SGCZ: variants seen among roughly 807,000 people sequenced by gnomAD.
SGCZ encodes sarcoglycan zeta, also known as zeta-sarcoglycan.
A neutral mutation model predicts 41.3 loss-of-function variants in SGCZ; 40 were observed. The ratio of observed to expected loss-of-function variants is 0.97; its 90% CI spans 0.75 to 1.26. The LOEUF (loss-of-function observed/expected upper bound fraction) is 1.26. Ranked by LOEUF, SGCZ falls within the 50% of genes most tolerant of loss-of-function variation. The probability of loss-of-function intolerance (pLI) is 0.00; values close to 1 mark genes in which losing one functional copy is unlikely to be tolerated. For synonymous variants in SGCZ, 206 were observed against 137.5 expected (o/e 1.50, Z -3.49); for missense variants, 552 against 369.8 (o/e 1.49, Z -4.04).
At chr8:14,901,104 C>T (rs958896585) in intron 1 of SGCZ, among the ~76,000 whole-genome samples, 2 of 152,170 alleles carry the variant, frequency 1.3e-5, no homozygotes, top group African/African-American at 4.8e-5. Context: ...TATTCTGAAA[C>T]TTGGCACATT....
intron 3 of SGCZ, among the ~76,000 whole-genome samples, chr8:14,312,120 T>C (rs1487790000): frequency 6.6e-6 from 1 of 152,148 alleles, no homozygotes; most frequent in African/African-American, 2.4e-5. Context: ...ATTTAGTTGG[T>C]TGCAACAATT....
chr8:14,438,596 G>GA (rs1350704007), intron 2 of SGCZ, among the ~76,000 whole-genome samples: 2 of 151,906 alleles, frequency 1.3e-5, no homozygotes, highest in Non-Finnish European at 2.9e-5. Flanking sequence ...AATTAGGAAA[G>GA]AAAAATTGAT....
intron 1 of SGCZ, among the ~76,000 whole-genome samples, chr8:14,681,832 A>C (rs1007945733): frequency 2.6e-5 from 4 of 152,138 alleles, no homozygotes; most frequent in Non-Finnish European, 5.9e-5. Context: ...ATGGGCTTTT[A>C]GATGACACAA....
intron 1 of SGCZ, among the ~76,000 whole-genome samples, chr8:14,626,698 G>T (rs1375633523): frequency 6.6e-6 from 1 of 151,934 alleles, no homozygotes; most frequent in Non-Finnish European, 1.5e-5. Flanking sequence ...GCTACCACAA[G>T]CCAAAAAATC....
At chr8:15,137,181 G>C (rs1206849656) in intron 1 of SGCZ, among the ~76,000 whole-genome samples, 1 of 151,846 alleles carries the variant, frequency 6.6e-6, no homozygotes, top group African/African-American at 2.4e-5. Context: ...TTTTAGCAAA[G>C]AGACTGGTGG....
chr8:14,878,916 G>A (rs1386165081), intron 1 of SGCZ: 3 of 152,196 alleles, frequency 2.0e-5, no homozygotes, highest in Non-Finnish European at 4.4e-5. Flanking sequence ...CAGTTTTGTT[G>A]TTGTTGTTGT....
At chr8:14,242,574 A>G (rs867780651) in intron 3 of SGCZ, among the ~76,000 whole-genome samples, 2 of 152,304 alleles carry the variant, frequency 1.3e-5, no homozygotes, top group Middle Eastern at 6.8e-3. Context: ...CAACATATGC[A>G]AAATGCACAG....
intron 5 of SGCZ, among the ~76,000 whole-genome samples, chr8:14,115,110 C>G (rs1173358598): frequency 6.6e-6 from 1 of 151,952 alleles, no homozygotes; most frequent in Non-Finnish European, 1.5e-5. Context: ...TCCAATAACT[C>G]TTGAGATATA....
chr8:14,806,999 G>C (rs1464026909), intron 1 of SGCZ, among the ~76,000 whole-genome samples: 1 of 152,052 alleles, frequency 6.6e-6, no homozygotes, highest in Non-Finnish European at 1.5e-5. Flanking sequence ...TATCTCAATA[G>C]ATGCAGAAAA....
chr8:14,617,046 GAA>G (rs746645102), intron 1 of SGCZ, among the ~76,000 whole-genome samples: 2 of 151,936 alleles, frequency 1.3e-5, no homozygotes, highest in African/African-American at 4.8e-5. Flanking sequence ...ATTAGGAAGA[GAA>G]AAAAATCTTA....
intron 1 of SGCZ, among the ~76,000 whole-genome samples, chr8:15,191,550 TAAC>T (rs943419365): frequency 2.0e-5 from 3 of 151,914 alleles, no homozygotes; most frequent in African/African-American, 7.3e-5. Context: ...TCTCCTTAAA[TAAC>T]ATATCTCCAC....
At chr8:14,519,676 T>C (rs1297510726) in intron 2 of SGCZ, among the ~76,000 whole-genome samples, 1 of 152,154 alleles carries the variant, frequency 6.6e-6, no homozygotes, top group East Asian at 1.9e-4. Context: ...TCTTGAAAAC[T>C]CAGTCTCGGC....
intron 1 of SGCZ, among the ~76,000 whole-genome samples, chr8:14,953,770 A>G (rs1800715846): frequency 6.6e-6 from 1 of 152,206 alleles, no homozygotes; most frequent in Non-Finnish European, 1.5e-5. Context: ...TTAATTCAGG[A>G]TAAGTGTTTA....
At chr8:14,252,675 CG>C (rs1799326392) in intron 3 of SGCZ, among the ~76,000 whole-genome samples, 1 of 152,006 alleles carries the variant, frequency 6.6e-6, no homozygotes, top group Admixed American at 6.6e-5. Flanking sequence ...AATATAAAGT[CG>C]AGGGGGCAGG....
intron 1 of SGCZ, among the ~76,000 whole-genome samples, chr8:14,923,055 C>A (rs1799638039): frequency 6.6e-6 from 1 of 152,090 alleles, no homozygotes; most frequent in Non-Finnish European, 1.5e-5. Flanking sequence ...TTTTAAAGGG[C>A]AATTACATGT....
chr8:15,017,397 A>G (rs1803079256), intron 1 of SGCZ, among the ~76,000 whole-genome samples: 1 of 152,208 alleles, frequency 6.6e-6, no homozygotes, highest in African/African-American at 2.4e-5. Context: ...ACCTTGGTTG[A>G]GCTTTCTCAG....
chr8:15,037,464 T>A (rs1259741354), intron 1 of SGCZ, among the ~76,000 whole-genome samples: 2 of 152,168 alleles, frequency 1.3e-5, no homozygotes, highest in Non-Finnish European at 2.9e-5. Flanking sequence ...AGGCAGTTAT[T>A]TATCACAGCA....
intron 1 of SGCZ, among the ~76,000 whole-genome samples, chr8:14,646,894 G>A (rs1382843478): frequency 1.3e-5 from 2 of 151,872 alleles, no homozygotes; most frequent in Non-Finnish European, 2.9e-5. Context: ...TGTTATGAGA[G>A]TATTTCAAAA....
intron 1 of SGCZ, among the ~76,000 whole-genome samples, chr8:15,191,977 G>T (rs1800555143): frequency 6.6e-6 from 1 of 152,028 alleles, no homozygotes; most frequent in African/African-American, 2.4e-5. Flanking sequence ...TTTCTCACCT[G>T]TAAAAATTGC....
Sources: allele counts gnomAD v4.1 joint callset (sites outside exome capture counted in the v4.1 genomes callset), GRCh38; gene constraint gnomAD v4.1.1; transcripts MANE v1.5; gene names NCBI Gene and HGNC (gene_info 2026-07-23, HGNC 2026-07-21).